The following AFF3 variants were observed in gnomAD, a reference collection of about 807,000 sequenced individuals.
AFF3 encodes the protein AF4/FMR2 family member 3.
A neutral mutation model predicts 129.7 loss-of-function variants in AFF3; 32 were observed. That is an observed-to-expected ratio of 0.25 (90% CI 0.19 to 0.33). The LOEUF is 0.33. AFF3 is among the 10% of genes least tolerant of loss of function. AFF3 has a pLI of 1.00. For missense variants in AFF3, 1,373 were observed against 1,592.0 expected (o/e 0.86, Z 2.34); for synonymous variants, 644 against 635.4 (o/e 1.01, Z -0.20).
intron 7 of AFF3, among the ~76,000 whole-genome samples, chr2:99,909,370 G>A (rs1206994151): frequency 1.6e-5 from 2 of 124,948 alleles, no homozygotes; most frequent in Admixed American, 9.4e-5. Context: ...ATAGCATTAG[G>A]AGATATACCT....
At position 100,100,399 on chromosome 2, in the gene AFF3, C is replaced by T. The variant is rs1182536086; in HGVS notation, c.53+4003G>A. Among the ~76,000 whole-genome samples the T allele has an allele frequency of 6.7e-5, 10 of 148,858 alleles. No homozygotes were observed. The East Asian group carries it at 1.2e-3, about 18-fold the overall frequency. ...GATCTTTTAGAGACACCATGAAAGC[C>T]CTTGTTCAAGTTTTCTTTGCCCAAG... On this transcript the variant is annotated intron_variant, in intron 4 of 24. Transcript: ENST00000672756.
chr2:99,942,094 C>CT (rs1186879076), intron 7 of AFF3, among the ~76,000 whole-genome samples: 2 of 152,182 alleles, frequency 1.3e-5, no homozygotes, highest in South Asian at 2.1e-4. Context: ...GCAGTCATCC[C>CT]TTTCTCTAGT....
intron 13 of AFF3, among the ~76,000 whole-genome samples, chr2:99,604,306 G>C (rs145484696): frequency 6.6e-6 from 1 of 152,066 alleles, no homozygotes; most frequent in Non-Finnish European, 1.5e-5. Flanking sequence ...AAAAAAAAAA[G>C]ATTATGTCCT....
chr2:99,880,507 A>G (rs1447381361), intron 7 of AFF3, among the ~76,000 whole-genome samples: 1 of 152,206 alleles, frequency 6.6e-6, no homozygotes, highest in South Asian at 2.1e-4. Flanking sequence ...AAGGCTTGAC[A>G]GGCGGCCATG....
intron 4 of AFF3, among the ~76,000 whole-genome samples, chr2:100,045,108 A>G (rs1573238225): frequency 6.6e-6 from 1 of 151,988 alleles, no homozygotes; most frequent in Non-Finnish European, 1.5e-5. Flanking sequence ...GCTGGTCAGG[A>G]AGAGAAATGA....
intron 11 of AFF3, among the ~76,000 whole-genome samples, chr2:99,689,656 CAAAAAA>C (rs60965683): frequency 2.1e-4 from 12 of 57,276 alleles, no homozygotes; most frequent in East Asian, 5.0e-4. Context: ...TATTTAATTG[CAAAAAA>C]AAAAAAAAAA....
At chr2:99,725,175 A>C (rs1371741810) in intron 11 of AFF3, among the ~76,000 whole-genome samples, 1 of 151,192 alleles carries the variant, frequency 6.6e-6, no homozygotes, top group Non-Finnish European at 1.5e-5. Context: ...GGGTTTCAGC[A>C]TGATGGTCAG....
chr2:99,865,332 C>G (rs1691311533), intron 7 of AFF3, among the ~76,000 whole-genome samples: 1 of 152,196 alleles, frequency 6.6e-6, no homozygotes, highest in African/African-American at 2.4e-5. Context: ...AAACAGCAGG[C>G]AGCTTTGGCC....
intron 18 of AFF3, among the ~76,000 whole-genome samples, chr2:99,571,586 T>C (rs1167506729): frequency 6.6e-6 from 1 of 152,192 alleles, no homozygotes; most frequent in Non-Finnish European, 1.5e-5. Context: ...TCAGAGCAGC[T>C]ATAATCAGAG....
chr2:99,696,560 T>C (rs1676288566), intron 11 of AFF3, among the ~76,000 whole-genome samples: 3 of 152,252 alleles, frequency 2.0e-5, no homozygotes, highest in Admixed American at 1.3e-4. Flanking sequence ...CCTTCTGTAT[T>C]AGACATGGTC....
chr2:99,679,592 T>C (rs1365473189), intron 11 of AFF3, among the ~76,000 whole-genome samples: 1 of 152,056 alleles, frequency 6.6e-6, no homozygotes, highest in Non-Finnish European at 1.5e-5. Flanking sequence ...AGCATATCTA[T>C]AGTAATAGAA....
At chr2:99,890,894 A>G (rs1489115643) in intron 7 of AFF3, among the ~76,000 whole-genome samples, 2 of 152,102 alleles carry the variant, frequency 1.3e-5, no homozygotes, top group African/African-American at 4.8e-5. Context: ...CTGATAGCCA[A>G]ACTGAGGGGT....
At chr2:99,668,353 G>T (rs1379899802) in intron 12 of AFF3, among the ~76,000 whole-genome samples, 1 of 151,822 alleles carries the variant, frequency 6.6e-6, no homozygotes, top group Non-Finnish European at 1.5e-5. Context: ...TGTATTTTTA[G>T]TAGAGACTGG....
At chr2:99,795,125 A>C (rs1685470581) in intron 8 of AFF3, among the ~76,000 whole-genome samples, 1 of 152,164 alleles carries the variant, frequency 6.6e-6, no homozygotes, top group African/African-American at 2.4e-5. Flanking sequence ...GAATCAACCT[A>C]AGTGCCCATC....
intron 24 of AFF3, among the ~76,000 whole-genome samples, chr2:99,552,416 C>T (rs534169788): frequency 1.3e-5 from 2 of 152,154 alleles, no homozygotes; most frequent in East Asian, 3.9e-4. Flanking sequence ...CTATGATGTA[C>T]CAAGGCACTC....
At chr2:99,799,001 A>G (rs1412687325) in intron 8 of AFF3, among the ~76,000 whole-genome samples, 1 of 152,068 alleles carries the variant, frequency 6.6e-6, no homozygotes, top group Admixed American at 6.5e-5. Flanking sequence ...ACTAAAATTA[A>G]TAAGTTAGTT....
intron 7 of AFF3, among the ~76,000 whole-genome samples, chr2:99,962,356 G>C (rs1677310472): frequency 6.6e-6 from 1 of 152,110 alleles, no homozygotes; most frequent in East Asian, 1.9e-4. Flanking sequence ...AGAATGTCAG[G>C]AGATGATAAA....
chr2:100,079,524 C>A (rs1227366012), intron 4 of AFF3, among the ~76,000 whole-genome samples: 1 of 152,208 alleles, frequency 6.6e-6, no homozygotes, highest in Admixed American at 6.5e-5. Flanking sequence ...CACAGGTGCA[C>A]AATCAGCATG....
At chr2:99,574,237 A>AAG (rs1676775283) in intron 18 of AFF3, among the ~76,000 whole-genome samples, 1 of 152,212 alleles carries the variant, frequency 6.6e-6, no homozygotes, top group South Asian at 2.1e-4. Flanking sequence ...TGTGGCTGTC[A>AAG]AGTAGTGAAT....
Sources: allele counts gnomAD v4.1 joint callset (sites outside exome capture counted in the v4.1 genomes callset), GRCh38; gene constraint gnomAD v4.1.1; transcripts MANE v1.5; gene names NCBI Gene and HGNC (gene_info 2026-07-23, HGNC 2026-07-21).